The following UBR7 variants were observed in gnomAD, a reference collection of about 807,000 sequenced individuals.
The protein encoded by UBR7 is ubiquitin protein ligase E3 component n-recognin 7, also known as putative E3 ubiquitin-protein ligase UBR7.
A neutral mutation model predicts 57.0 loss-of-function variants in UBR7; 22 were observed. That is an observed-to-expected ratio of 0.39 (90% CI 0.28 to 0.55). The LOEUF is 0.55. UBR7 is among the 20% of genes least tolerant of loss of function. The pLI is 0.69. For missense variants in UBR7, 395 were observed against 513.2 expected (o/e 0.77, Z 2.23); for synonymous variants, 167 against 179.8 (o/e 0.93, Z 0.57).
In UBR7 at chr14:93,210,540, T is replaced by C; in HGVS notation, c.285-108T>C. 3 of 910,786 alleles carry C rather than the reference T, an allele frequency of 3.3e-6. No homozygotes were observed. The South Asian group carries it at 4.4e-5, about 13-fold the overall frequency. The allele number at this position is 910,786 out of a possible 1,614,324, so 56.4% of individuals were successfully genotyped here. A position where few individuals can be genotyped will look rare whatever the true frequency, so the allele number is the denominator to read the frequency against. On this transcript the variant is annotated intron_variant, in intron 2 of 10. Transcript: ENST00000013070. The stretch of plus-strand genomic sequence containing the variant: ...ATATAAATATTTGCTTTTGTACATA[T>C]TAATTTCCCGAATTGTGAAGTCTTA...
At chr14:93,225,585 A>G (rs1321232633) in intron 10 of UBR7, among the ~76,000 whole-genome samples, 2 of 152,176 alleles carry the variant, frequency 1.3e-5, no homozygotes, top group Non-Finnish European at 1.5e-5. Flanking sequence ...ATGAGCTATC[A>G]TCACACCTCT....
intron 6 of UBR7, among the ~76,000 whole-genome samples, chr14:93,216,990 A>T (rs1225500441): frequency 6.6e-6 from 1 of 151,948 alleles, no homozygotes; most frequent in African/African-American, 2.4e-5. Flanking sequence ...CACTGTCCAC[A>T]GATGCTGAAC....
chr14:93,216,152 G>A (rs541569408), intron 6 of UBR7, among the ~76,000 whole-genome samples: 35 of 152,130 alleles, frequency 2.3e-4, no homozygotes, highest in Non-Finnish European at 4.6e-4. Flanking sequence ...CAGAGCCCTC[G>A]TGAATGGGAT....
chr14:93,218,575 G>T lies in UBR7; in HGVS notation c.650G>T (p.Gly217Val), dbSNP rs755180754. The T allele has an allele frequency of 1.2e-6, 2 of 1,614,116 alleles. No individual in the cohort carries two copies. The highest frequency in any genetic ancestry group is 1.1e-5 in the South Asian group (1 of 91,084). ...GATGGATTGGTGCGGAACATTGATGGAATAGGTGATCAGGAAGTTATCAAA... is the reference window on the plus strand; with the variant it reads ...GATGGATTGGTGCGGAACATTGATGTAATAGGTGATCAGGAAGTTATCAAA... ...EDDGLVRNIDGIGDQEVIKPE... is the reference protein window; with the variant it reads ...EDDGLVRNIDVIGDQEVIKPE... Residue 217 changes from glycine to valine, a missense_variant, in exon 7 of 11, where the codon GGA becomes GTA. Gly to Val is a moderately radical substitution (Grantham distance 109). Coordinates refer to ENST00000013070, the MANE Select transcript of UBR7 (RefSeq NM_175748.4).
intron 10 of UBR7, among the ~76,000 whole-genome samples, chr14:93,225,327 C>CAA (rs146140327): frequency 1.4e-5 from 2 of 146,650 alleles, no homozygotes; most frequent in African/African-American, 5.0e-5. Flanking sequence ...AAACAAAAAC[C>CAA]AAAAAAAAAA....
chr14:93,218,074 A>C (rs941233000), intron 6 of UBR7, among the ~76,000 whole-genome samples: 1 of 148,696 alleles, frequency 6.7e-6, no homozygotes, highest in African/African-American at 2.5e-5. Flanking sequence ...AGCCTGGGCA[A>C]CAAGAGCGAA....
chr14:93,211,250 C>A (rs1442520802), intron 3 of UBR7, among the ~76,000 whole-genome samples: 2 of 150,296 alleles, frequency 1.3e-5, no homozygotes, highest in African/African-American at 4.9e-5. Flanking sequence ...AACAAACAAA[C>A]AAAAACAATA....
Position 93,207,389 on chromosome 14 carries a change from A to C in UBR7, c.98A>C (p.Glu33Ala). The C allele has an allele frequency of 6.4e-7, 1 of 1,553,948 alleles. No homozygotes were observed. The highest frequency in any genetic ancestry group is 1.2e-5 in the South Asian group (1 of 83,726). ...GAGGAGGACGAGGAGCTGGAGAATG[A>C]GGCGTGCGCTGTCCTGGGCGGCAGC... ...VLEEDEELEN[E>A]ACAVLGGSDS... Residue 33 changes from glutamate (E) to alanine (A), a missense_variant, in exon 1 of 11, where the codon GAG (glutamate) becomes GCG (alanine). Physicochemically the swap from Glu to Ala is moderately radical, Grantham distance 107 (BLOSUM62 -1). Coordinates refer to ENST00000013070, the MANE Select transcript of UBR7 (RefSeq NM_175748.4).
In UBR7 at chr14:93,215,160, TG is replaced by T. The variant is rs765681519; in HGVS notation, c.496-15del. 16 of 1,557,876 alleles carry T rather than the reference TG, an allele frequency of 1.0e-5. No individual in the cohort carries two copies. The South Asian group carries it at 1.9e-4, about 18-fold the overall frequency. On this transcript the variant is annotated splice_polypyrimidine_tract_variant and intron_variant, in intron 5 of 10. Coordinates refer to ENST00000013070, the MANE Select transcript of UBR7 (RefSeq NM_175748.4). ...TTGGCAATCACAAGAAAATTTTTGG[TG>T]TTCTATATTCACAGCATCTTGGTGC...
chr14:93,228,278 C>G lies in UBR7; in HGVS notation c.*1243C>G, dbSNP rs1409351806. On this transcript the variant is annotated 3_prime_UTR_variant, in exon 11 of 11. Transcript: ENST00000013070. ...GTTGATATGAGATCTCTTTAACACC[C>G]CTCAGTCTATGTAGGAAATGCCTTG... 1 of 460,890 alleles carries G rather than the reference C, an allele frequency of 2.2e-6. No individual in the cohort carries two copies. Among genetic ancestry groups the G allele is most frequent in the Admixed American group, 2.3e-5 (1 of 42,736 alleles). 28.6% of individuals were successfully genotyped at this position (460,890 alleles called of 1,614,324 possible). A position where few individuals can be genotyped will look rare whatever the true frequency, so the allele number is the denominator to read the frequency against.
intron 10 of UBR7, among the ~76,000 whole-genome samples, chr14:93,226,519 G>A (rs967484516): frequency 5.3e-5 from 8 of 152,214 alleles, no homozygotes; most frequent in East Asian, 1.9e-4. Context: ...GGCTGGGCAC[G>A]GTGGCTCACG....
intron 1 of UBR7, among the ~76,000 whole-genome samples, chr14:93,208,368 A>G (rs1894411464): frequency 6.6e-6 from 1 of 152,092 alleles, no homozygotes; most frequent in African/African-American, 2.4e-5. Flanking sequence ...TTACACTGCA[A>G]AGTGCTAGAT....
intron 9 of UBR7, 138 bp from the exon 10 acceptor site, chr14:93,222,171 GAGTT>G: frequency 1.5e-6 from 1 of 645,814 alleles, no homozygotes; most frequent in Non-Finnish European, 2.8e-6. Flanking sequence ...ATTTGGGAAC[GAGTT>G]TCTATGCAGC....
At position 93,215,286 on chromosome 14, in the gene UBR7, GTA is replaced by G. The variant is rs758705277; in HGVS notation, c.601+7_601+8del. ...CTTATGCTGCACAATTGGCAGGTAGGTATCTTTGTGAAGTTGGTGTGCCACAA... is the reference window on the plus strand; with the variant it reads ...CTTATGCTGCACAATTGGCAGGTAGGTCTTTGTGAAGTTGGTGTGCCACAA... On this transcript the variant is annotated splice_donor_region_variant and intron_variant, in intron 6 of 10. Transcript: ENST00000013070. The G allele has an allele frequency of 7.7e-6, 12 of 1,566,406 alleles. No homozygotes were observed. Among genetic ancestry groups the G allele is most frequent in the Non-Finnish European group, 1.0e-5 (12 of 1,154,070 alleles).
At chr14:93,224,012 C>G in intron 10 of UBR7, 1 of 805,284 alleles carries the variant, frequency 1.2e-6, no homozygotes, top group East Asian at 2.5e-5. Flanking sequence ...CCAGAAGTCC[C>G]GGGACTTGGC....
intron 10 of UBR7, among the ~76,000 whole-genome samples, chr14:93,224,612 T>C (rs1013231555): frequency 4.1e-4 from 63 of 152,144 alleles, no homozygotes; most frequent in South Asian, 1.5e-3. Flanking sequence ...TTCCTGACCT[T>C]GTGATCCGCC....
In UBR7 at chr14:93,226,894, C is replaced by T. The variant is rs372183825; in HGVS notation, c.1186-49C>T. 43 of 1,358,148 alleles carry T rather than the reference C, an allele frequency of 3.2e-5. 1 individual carries two copies. The highest frequency in any genetic ancestry group is 1.4e-4 in the East Asian group (6 of 42,556). 84.1% of individuals were successfully genotyped at this position (1,358,148 alleles called of 1,614,324 possible). Reference sequence around the variant, plus strand: ...TTGTGAATGCTATGACCTCGGATTGCGATTCTGTTACTTAGTTCTCTTTCA... The same window carrying T: ...TTGTGAATGCTATGACCTCGGATTGTGATTCTGTTACTTAGTTCTCTTTCA... On this transcript the variant is annotated intron_variant, in intron 10 of 10. Coordinates refer to ENST00000013070, the MANE Select transcript of UBR7 (RefSeq NM_175748.4).
chr14:93,220,218 C>G, intron 8 of UBR7, 31 bp from the exon 9 acceptor site: 1 of 1,439,774 alleles, frequency 6.9e-7, no homozygotes, highest in South Asian at 1.2e-5. Context: ...GGAAACTCCT[C>G]TTTCTTTTTT....
At chr14:93,207,492 C>G (rs1894389245) in intron 1 of UBR7, 51 bp downstream of exon 1, 1 of 1,495,198 alleles carries the variant, frequency 6.7e-7, no homozygotes. Context: ...CGAACCTCCC[C>G]TTCCCGGCCC....
Sources: allele counts gnomAD v4.1 joint callset (sites outside exome capture counted in the v4.1 genomes callset), GRCh38; gene constraint gnomAD v4.1.1; transcripts MANE v1.5; gene names NCBI Gene and HGNC (gene_info 2026-07-23, HGNC 2026-07-21).